The following SGK3 variants were observed in gnomAD, a reference collection of about 807,000 sequenced individuals.
SGK3 encodes the protein serum/glucocorticoid regulated kinase family member 3, also known as serine/threonine-protein kinase Sgk3.
SGK3 carries 47 observed loss-of-function variants against 68.5 expected under a neutral mutation model. That is an observed-to-expected ratio of 0.69 (90% CI 0.54 to 0.87). The LOEUF (loss-of-function observed/expected upper bound fraction) is 0.87, where lower values mean the gene tolerates loss of function less well. Among genes scored for constraint, SGK3 ranks in the 40% least tolerant of loss-of-function variants. SGK3 has a pLI of 0.00. For missense variants in SGK3, 479 were observed against 575.5 expected (o/e 0.83, Z 1.72); for synonymous variants, 181 against 189.1 (o/e 0.96, Z 0.35).
At chr8:66,842,993 C>T (rs1449377433) in intron 13 of SGK3, among the ~76,000 whole-genome samples, 1 of 151,956 alleles carries the variant, frequency 6.6e-6, no homozygotes, top group East Asian at 1.9e-4. Context: ...ATCACCTGAG[C>T]CCAGGAAGTC....
At chr8:66,794,282 T>G (rs1807584114) in intron 2 of SGK3, among the ~76,000 whole-genome samples, 1 of 152,214 alleles carries the variant, frequency 6.6e-6, no homozygotes, top group South Asian at 2.1e-4. Context: ...CATTTCTAAT[T>G]TTATCGTTTA....
intron 3 of SGK3, among the ~76,000 whole-genome samples, chr8:66,802,883 T>C (rs1227289509): frequency 6.6e-6 from 1 of 152,196 alleles, no homozygotes; most frequent in African/African-American, 2.4e-5. Flanking sequence ...CATTCCTGGT[T>C]CATCTCTATC....
rs577205888 is a variant in SGK3 at position 66,772,778 on chromosome 8, A to AT, written c.-121-20831dup. Reference sequence around the variant, plus strand: ...GGGTTCCACCATGTTCACCTGGCTAATTTTTTTAATTTTTTTGTAGAGATG... The same window carrying AT: ...GGGTTCCACCATGTTCACCTGGCTAATTTTTTTTAATTTTTTTGTAGAGATG... On this transcript the variant is annotated intron_variant, in intron 1 of 16. Transcript: ENST00000521198. Among the ~76,000 whole-genome samples the AT allele has an allele frequency of 3.3e-3, 498 of 151,824 alleles. 6 individuals carry two copies. Among genetic ancestry groups the AT allele is most frequent in the African/African-American group, 0.011 (446 of 41,386 alleles).
chr8:66,818,589 C>T (rs571934326), intron 5 of SGK3, among the ~76,000 whole-genome samples: 1 of 152,264 alleles, frequency 6.6e-6, no homozygotes, highest in Admixed American at 6.5e-5. Context: ...TTTCTTCCTT[C>T]CCAAAGGTAA....
intron 1 of SGK3, among the ~76,000 whole-genome samples, chr8:66,772,398 T>TC (rs1806539166): frequency 6.9e-6 from 1 of 144,184 alleles, no homozygotes; most frequent in Admixed American, 6.8e-5. Flanking sequence ...AGATAAATAT[T>TC]CTTTTTTTTT....
rs939952206 is a variant in SGK3 at position 66,766,090 on chromosome 8, A to T, written c.-121-27526A>T. ...TATTGATTCCTAATTTAATTTTATTATAGTTAGAGAACATACTTTGTGTGA... is the reference window on the plus strand; with the variant it reads ...TATTGATTCCTAATTTAATTTTATTTTAGTTAGAGAACATACTTTGTGTGA... On this transcript the variant is annotated intron_variant, in intron 1 of 16. Coordinates refer to ENST00000521198, the MANE Select transcript of SGK3 (RefSeq NM_001033578.3). 2.2e-4 allele frequency among the ~76,000 whole-genome samples: 34 copies of T among 151,836 alleles called. 1 individual carries two copies. Among genetic ancestry groups the T allele is most frequent in the African/African-American group, 8.0e-4 (33 of 41,480 alleles).
chr8:66,829,911 C>T (rs939906107), intron 7 of SGK3, among the ~76,000 whole-genome samples: 3 of 146,856 alleles, frequency 2.0e-5, no homozygotes, highest in African/African-American at 5.0e-5. Context: ...CTCGCTCTGT[C>T]GCCTAGGCGG....
intron 1 of SGK3, among the ~76,000 whole-genome samples, chr8:66,773,651 A>C (rs1193613710): frequency 6.6e-6 from 1 of 152,186 alleles, no homozygotes; most frequent in East Asian, 1.9e-4. Context: ...GGTTCCTTGA[A>C]CACAAGCACT....
At chr8:66,759,525 G>A (rs558873303) in intron 1 of SGK3, among the ~76,000 whole-genome samples, 19 of 151,262 alleles carry the variant, frequency 1.3e-4, no homozygotes, top group African/African-American at 3.2e-4. Context: ...TCTACCTCCC[G>A]GGTTCAAGCA....
intron 14 of SGK3, among the ~76,000 whole-genome samples, chr8:66,846,351 G>C (rs993588256): frequency 2.6e-5 from 4 of 152,110 alleles, no homozygotes; most frequent in African/African-American, 9.7e-5. Context: ...GTCTCACTCT[G>C]TTGCCCAGGC....
At chr8:66,803,899 G>T (rs1360025587) in intron 3 of SGK3, among the ~76,000 whole-genome samples, 1 of 151,988 alleles carries the variant, frequency 6.6e-6, no homozygotes, top group Non-Finnish European at 1.5e-5. Context: ...AGCAGATAGG[G>T]TATTGAAAGC....
chr8:66,728,731 C>T (rs1247976839), intron 1 of SGK3, among the ~76,000 whole-genome samples: 3 of 151,914 alleles, frequency 2.0e-5, no homozygotes, highest in Admixed American at 2.0e-4. Context: ...AGTGAGACCC[C>T]ACCTCAACAA....
chr8:66,750,682 C>T (rs1364633361), intron 1 of SGK3, among the ~76,000 whole-genome samples: 1 of 150,412 alleles, frequency 6.6e-6, no homozygotes. Flanking sequence ...GAGTGAGATT[C>T]CATCTCAAAA....
chr8:66,731,812 G>A (rs1056903684), intron 1 of SGK3, among the ~76,000 whole-genome samples: 1 of 152,190 alleles, frequency 6.6e-6, no homozygotes, highest in Non-Finnish European at 1.5e-5. Context: ...GGGATTACAG[G>A]CGTGAGCCAC....
At chr8:66,722,080 TACAA>T (rs1804809427) in intron 1 of SGK3, among the ~76,000 whole-genome samples, 1 of 152,098 alleles carries the variant, frequency 6.6e-6, no homozygotes, top group Non-Finnish European at 1.5e-5. Flanking sequence ...TGGAGACTCT[TACAA>T]GAGTTAGGGA....
chr8:66,713,259 G>C (rs780230349), intron 1 of SGK3, among the ~76,000 whole-genome samples: 2 of 152,200 alleles, frequency 1.3e-5, no homozygotes, highest in Non-Finnish European at 2.9e-5. Context: ...TTAATACGTT[G>C]CGTCTTTTAA....
At chr8:66,844,284 T>G (rs1182395294) in intron 14 of SGK3, among the ~76,000 whole-genome samples, 1 of 152,188 alleles carries the variant, frequency 6.6e-6, no homozygotes, top group Non-Finnish European at 1.5e-5. Context: ...TTAATAGATT[T>G]AATTAATACA....
intron 1 of SGK3, among the ~76,000 whole-genome samples, chr8:66,792,006 A>G (rs1807477889): frequency 6.6e-6 from 1 of 152,144 alleles, no homozygotes; most frequent in Admixed American, 6.5e-5. Context: ...ACATGTCTGT[A>G]TGTTCTAACA....
At chr8:66,740,381 T>G (rs1304744924) in intron 1 of SGK3, among the ~76,000 whole-genome samples, 1 of 152,252 alleles carries the variant, frequency 6.6e-6, no homozygotes, top group Non-Finnish European at 1.5e-5. Context: ...ATCATTGACT[T>G]CCTTTACTAT....
Sources: allele counts gnomAD v4.1 joint callset (sites outside exome capture counted in the v4.1 genomes callset), GRCh38; gene constraint gnomAD v4.1.1; transcripts MANE v1.5; gene names NCBI Gene and HGNC (gene_info 2026-07-23, HGNC 2026-07-21).